MAML3: variants seen among roughly 807,000 people sequenced by gnomAD.
MAML3 encodes the protein mastermind-like protein 3.
MAML3 carries 27 observed loss-of-function variants against 101.9 expected under a neutral mutation model. That is an observed-to-expected ratio of 0.27 (90% CI 0.20 to 0.37). The LOEUF (loss-of-function observed/expected upper bound fraction) is 0.37. MAML3 is among the 10% of genes least tolerant of loss of function. The pLI is 1.00. For missense variants in MAML3, 1,316 were observed against 1,444.9 expected, an observed-to-expected ratio of 0.91 and a Z score of 1.45; for synonymous variants, 501 against 555.9, an observed-to-expected ratio of 0.90 and a Z score of 1.39.
At position 140,122,218 on chromosome 4, in the gene MAML3, GA is replaced by G. The variant is rs1263851449; in HGVS notation, c.468+30641del. Among the ~76,000 whole-genome samples the G allele has an allele frequency of 5.9e-3, 568 of 96,298 alleles. 24 individuals are homozygous for G. Among genetic ancestry groups the G allele is most frequent in the African/African-American group, 0.012 (389 of 31,630 alleles). The allele number at this position is 96,298 out of a possible 152,430, so 63.2% of individuals were successfully genotyped here. A position where few individuals can be genotyped will look rare whatever the true frequency, so the allele number is the denominator to read the frequency against. ...TCTTCTCACAGGAATAATCAAACGAGACTTTTTTTTTTTTTTTTTTTAAACA... is the reference window on the plus strand; with the variant it reads ...TCTTCTCACAGGAATAATCAAACGAGCTTTTTTTTTTTTTTTTTTTAAACA... On this transcript the variant is annotated intron_variant, in intron 1 of 4. Coordinates refer to ENST00000509479, the MANE Select transcript of MAML3 (RefSeq NM_018717.5).
intron 2 of MAML3, among the ~76,000 whole-genome samples, chr4:139,756,036 C>T (rs1265170799): frequency 1.3e-5 from 2 of 152,160 alleles, no homozygotes; most frequent in Admixed American, 6.5e-5. Flanking sequence ...CAAAAGTTAT[C>T]TGTTCATCTA....
At chr4:140,039,008 A>C (rs1042115736) in intron 1 of MAML3, among the ~76,000 whole-genome samples, 2 of 152,062 alleles carry the variant, frequency 1.3e-5, no homozygotes, top group Non-Finnish European at 2.9e-5. Flanking sequence ...GATCCCAGCT[A>C]CTCGGGAGGA....
intron 1 of MAML3, among the ~76,000 whole-genome samples, chr4:140,095,714 C>G (rs1242494467): frequency 1.3e-5 from 2 of 152,102 alleles, no homozygotes; most frequent in Admixed American, 1.3e-4. Flanking sequence ...AACCCATGTT[C>G]CTCTCCACTG....
At chr4:139,897,102 G>A (rs531082110) in intron 1 of MAML3, among the ~76,000 whole-genome samples, 2 of 152,320 alleles carry the variant, frequency 1.3e-5, no homozygotes, top group South Asian at 2.1e-4. Context: ...GCACGAAGTT[G>A]GGCAGGATCA....
At chr4:139,922,114 T>C (rs934130186) in intron 1 of MAML3, among the ~76,000 whole-genome samples, 2 of 152,072 alleles carry the variant, frequency 1.3e-5, no homozygotes, top group African/African-American at 2.4e-5. Context: ...CAAGTGCACA[T>C]TGTTAAGAGG....
intron 1 of MAML3, among the ~76,000 whole-genome samples, chr4:140,062,170 G>C (rs536336206): frequency 3.2e-4 from 49 of 152,222 alleles, no homozygotes; most frequent in Admixed American, 9.2e-4. Flanking sequence ...CTCACACACT[G>C]AAAAAGGTTT....
chr4:140,049,537 T>C (rs1014020295), intron 1 of MAML3, among the ~76,000 whole-genome samples: 2 of 152,164 alleles, frequency 1.3e-5, no homozygotes, highest in Admixed American at 1.3e-4. Flanking sequence ...CTGAGCTTAA[T>C]ATATTGTACT....
rs1053184163 is a variant in MAML3, at chr4:139,717,011, T to TAAAA, written c.*2308_*2311dup. ...TGTGATGATGAGTTAAGGAATGAAA[T>TAAAA]AAAAATACTCTATTTTAAACAAACA... On this transcript the variant is annotated 3_prime_UTR_variant, in exon 5 of 5. Coordinates refer to ENST00000509479, the MANE Select transcript of MAML3 (RefSeq NM_018717.5). 6.6e-6 allele frequency: 1 copy of TAAAA among 152,566 alleles called. No individual in the cohort carries two copies. Among genetic ancestry groups the TAAAA allele is most frequent in the Non-Finnish European group, 1.5e-5 (1 of 68,020 alleles). The allele number at this position is 152,566 out of a possible 1,614,324, so 9.5% of individuals were successfully genotyped here.
intron 1 of MAML3, among the ~76,000 whole-genome samples, chr4:140,071,427 T>C (rs887711952): frequency 1.3e-5 from 2 of 152,206 alleles, no homozygotes; most frequent in Non-Finnish European, 2.9e-5. Flanking sequence ...TTACAGCTTT[T>C]ACACTGAGGT....
At chr4:139,775,035 C>A (rs943822357) in intron 2 of MAML3, among the ~76,000 whole-genome samples, 1 of 152,098 alleles carries the variant, frequency 6.6e-6, no homozygotes, top group Non-Finnish European at 1.5e-5. Context: ...GTGAATTACA[C>A]GGGTCTGAGA....
Position 139,717,381 on chromosome 4 carries a change from T to C in MAML3, c.*1942A>G, listed in dbSNP as rs1728021391. On this transcript the variant is annotated 3_prime_UTR_variant, in exon 5 of 5. Transcript: ENST00000509479. ...TGTGTCTTCTCATTTGTTTGTTTGC[T>C]TTTTTTTGGTTTCATCTCTTTGATC... 1 of 152,306 alleles carries C rather than the reference T, an allele frequency of 6.6e-6. No individual in the cohort carries two copies. The highest frequency in any genetic ancestry group is 2.4e-5 in the African/African-American group (1 of 41,378). 9.4% of individuals were successfully genotyped at this position (152,306 alleles called of 1,614,324 possible).
intron 3 of MAML3, 76 bp from the exon 4 acceptor site, chr4:139,725,911 C>T (rs1025286283): frequency 2.3e-5 from 28 of 1,231,756 alleles, no homozygotes; most frequent in Middle Eastern, 2.2e-4. Context: ...CCAGCAGTTC[C>T]GAGGAAGGTA....
intron 2 of MAML3, among the ~76,000 whole-genome samples, chr4:139,778,982 C>CAAAAAAAA (rs67782985): frequency 9.9e-6 from 1 of 100,634 alleles, no homozygotes. Context: ...GACTCCACCT[C>CAAAAAAAA]AAAAAAAAAA....
At chr4:140,011,002 C>T (rs1337540250) in intron 1 of MAML3, among the ~76,000 whole-genome samples, 3 of 150,140 alleles carry the variant, frequency 2.0e-5, no homozygotes, top group African/African-American at 7.4e-5. Flanking sequence ...GAGGCTGAGG[C>T]AGGAGAATTG....
At chr4:139,899,656 C>G (rs1380229521) in intron 1 of MAML3, among the ~76,000 whole-genome samples, 1 of 152,104 alleles carries the variant, frequency 6.6e-6, no homozygotes, top group Non-Finnish European at 1.5e-5. Flanking sequence ...GGCAGACTAA[C>G]AGGAAAAGAA....
At chr4:140,043,700 A>G (rs967591810) in intron 1 of MAML3, among the ~76,000 whole-genome samples, 2 of 152,208 alleles carry the variant, frequency 1.3e-5, no homozygotes, top group Non-Finnish European at 1.5e-5. Context: ...AATCTTATCA[A>G]TCGTGCCCAC....
At chr4:139,920,145 A>T (rs1733099375) in intron 1 of MAML3, among the ~76,000 whole-genome samples, 1 of 152,006 alleles carries the variant, frequency 6.6e-6, no homozygotes, top group African/African-American at 2.4e-5. Flanking sequence ...GACTCTAGTT[A>T]TTTTTTTTCC....
At chr4:139,760,222 C>A (rs549461876) in intron 2 of MAML3, among the ~76,000 whole-genome samples, 1 of 152,318 alleles carries the variant, frequency 6.6e-6, no homozygotes, top group Admixed American at 6.5e-5. Context: ...TGATACAAAC[C>A]TGAAAAGATG....
At chr4:139,883,953 G>A (rs929355701) in intron 2 of MAML3, among the ~76,000 whole-genome samples, 10 of 133,898 alleles carry the variant, frequency 7.5e-5, no homozygotes, top group African/African-American at 2.8e-4. Flanking sequence ...GCAATGGGCA[G>A]TCACTGAAAC....
Sources: gnomAD v4.1 joint callset for allele counts (sites outside exome capture counted in the v4.1 genomes callset) on GRCh38, gnomAD v4.1.1 for gene constraint, MANE v1.5 for transcripts, NCBI Gene and HGNC (gene_info 2026-07-23, HGNC 2026-07-21) for gene names.